The following ESPN variants were observed in gnomAD, a reference collection of about 807,000 sequenced individuals.
ESPN encodes autosomal recessive deafness type 36 protein.
ESPN carries 68 observed loss-of-function variants against 77.7 expected under a neutral mutation model. The ratio of observed to expected loss-of-function variants is 0.87; its 90% CI spans 0.72 to 1.07. The LOEUF is 1.07. ESPN is among the 50% of genes least tolerant of loss of function. The pLI, the probability that ESPN is intolerant of heterozygous loss-of-function variation, is 0.00. For missense variants in ESPN, 1,060 were observed against 1,239.0 expected (o/e 0.86, Z 2.17); for synonymous variants, 449 against 567.1 (o/e 0.79, Z 2.96).
intron 10 of ESPN, among the ~76,000 whole-genome samples, chr1:6,452,564 C>T (rs1431950758): frequency 6.6e-6 from 1 of 152,216 alleles, no homozygotes; most frequent in East Asian, 1.9e-4. Flanking sequence ...CTTTCTCAGA[C>T]TCTCCTTCAC....
intron 2 of ESPN, among the ~76,000 whole-genome samples, chr1:6,439,106 C>G (rs183316077): frequency 6.6e-6 from 1 of 151,996 alleles, no homozygotes; most frequent in African/African-American, 2.4e-5. Flanking sequence ...AGCAAGACTC[C>G]GTCTCAAAAA....
intron 5 of ESPN, 49 bp from the exon 6 acceptor site, chr1:6,444,432 C>A: frequency 6.3e-7 from 1 of 1,591,478 alleles, no homozygotes; most frequent in Non-Finnish European, 8.6e-7. Flanking sequence ...TGGAGAGCAA[C>A]GCATCTTGGG....
chr1:6,454,102 C>G (rs1342522334), intron 10 of ESPN, among the ~76,000 whole-genome samples: 1 of 152,208 alleles, frequency 6.6e-6, no homozygotes, highest in Non-Finnish European at 1.5e-5. Context: ...CAACGCCTTT[C>G]GCAAGTTCCT....
At chr1:6,443,497 C>T (rs1389358157) in intron 5 of ESPN, among the ~76,000 whole-genome samples, 3 of 152,266 alleles carry the variant, frequency 2.0e-5, no homozygotes, top group African/African-American at 4.8e-5. Context: ...GTGCTGCCCA[C>T]GCCACCTCCT....
At chr1:6,435,763 C>A (rs892027394) in intron 2 of ESPN, among the ~76,000 whole-genome samples, 1 of 152,224 alleles carries the variant, frequency 6.6e-6, no homozygotes, top group Non-Finnish European at 1.5e-5. Flanking sequence ...CACTCCAGGC[C>A]AGCCATAGAC....
intron 10 of ESPN, chr1:6,456,632 T>A (rs1644062630): frequency 4.8e-6 from 1 of 208,140 alleles, no homozygotes; most frequent in Non-Finnish European, 9.6e-6. Context: ...AGACCCGTTC[T>A]CCTCTGTAAC....
In ESPN at chr1:6,425,099, G is replaced by A; in HGVS notation, c.144G>A (p.Lys48=). 2 of 1,504,650 alleles carry A rather than the reference G, an allele frequency of 1.3e-6. No individual in the cohort carries two copies. Among genetic ancestry groups the A allele is most frequent in the East Asian group, 2.7e-5 (1 of 37,660 alleles). The allele number at this position is 1,504,650 out of a possible 1,614,324, so 93.2% of individuals were successfully genotyped here. A position where few individuals can be genotyped will look rare whatever the true frequency, so the allele number is the denominator to read the frequency against. ...LPVHHAARAG[K]LHCLRFLVEE... Reference sequence around the variant, plus strand: ...TGCACCACGCGGCCCGCGCTGGGAAGCTGCACTGTCTGCGCTTCCTGGTGG... The same window carrying A: ...TGCACCACGCGGCCCGCGCTGGGAAACTGCACTGTCTGCGCTTCCTGGTGG... The change falls in exon 1 of 13, where the codon AAG becomes AAA. Residue 48 remains lysine (K), a synonymous_variant. Transcript: ENST00000645284.
In ESPN at chr1:6,444,420, C is replaced by T. The variant is rs1643750599; in HGVS notation, c.991-61C>T. 3 of 1,556,722 alleles carry T rather than the reference C, an allele frequency of 1.9e-6. No homozygotes were observed. In the East Asian group the frequency reaches 6.8e-5, roughly 35 times the overall value. ...AAGGCATGACTGAGTAGGACCCTGG[C>T]CTGGAGAGCAACGCATCTTGGGGTA... On this transcript the variant is annotated intron_variant, in intron 5 of 12. Transcript: ENST00000645284.
At chr1:6,429,676 G>A (rs1470751827) in intron 2 of ESPN, among the ~76,000 whole-genome samples, 6 of 152,340 alleles carry the variant, frequency 3.9e-5, no homozygotes, top group Non-Finnish European at 8.8e-5. Flanking sequence ...TGCTGGTGGG[G>A]ACCGCCAGCC....
intron 10 of ESPN, chr1:6,456,386 G>T (rs1262718873): frequency 8.0e-6 from 3 of 374,724 alleles, no homozygotes; most frequent in Non-Finnish European, 1.4e-5. Context: ...TGGGGCGTTG[G>T]TCGGATAGGC....
chr1:6,433,031 AGAATTGCTG>A lies in ESPN; in HGVS notation c.488+4616_488+4624del, dbSNP rs561833753. 3.9e-5 allele frequency among the ~76,000 whole-genome samples: 6 copies of A among 152,276 alleles called. No individual in the cohort carries two copies. The East Asian group carries it at 1.2e-3, about 29-fold the overall frequency. ...CAGCTACTCGGGAGGCTGAGGCAGGAGAATTGCTGGAACCAGGGAAGCGGAGGTTGCAGT... is the reference window on the plus strand; with the variant it reads ...CAGCTACTCGGGAGGCTGAGGCAGGAGAACCAGGGAAGCGGAGGTTGCAGT... On this transcript the variant is annotated intron_variant, in intron 2 of 12. Coordinates refer to ENST00000645284, the MANE Select transcript of ESPN (RefSeq NM_031475.3).
At chr1:6,454,616 A>C in intron 10 of ESPN, 1 of 398,938 alleles carries the variant, frequency 2.5e-6, no homozygotes, top group Non-Finnish European at 4.4e-6. Context: ...GCCTCGAGCA[A>C]CTGGAGCTGG....
intron 2 of ESPN, among the ~76,000 whole-genome samples, chr1:6,430,880 T>C (rs1643218370): frequency 1.3e-5 from 2 of 151,628 alleles, no homozygotes; most frequent in Admixed American, 6.6e-5. Flanking sequence ...GGAGATTGAG[T>C]TGGGAGGATT....
At chr1:6,434,935 G>T (rs1051380038) in intron 2 of ESPN, among the ~76,000 whole-genome samples, 5 of 152,168 alleles carry the variant, frequency 3.3e-5, no homozygotes, top group African/African-American at 1.2e-4. Context: ...TGGCAGTGAT[G>T]CGGGGAGGTG....
chr1:6,443,706 C>T (rs1643727075), intron 5 of ESPN, among the ~76,000 whole-genome samples: 2 of 152,234 alleles, frequency 1.3e-5, no homozygotes, highest in Admixed American at 6.5e-5. Flanking sequence ...GCCGCTGAGC[C>T]GTTACCTGGT....
rs996170464 is a variant in ESPN at position 6,425,011 on chromosome 1, G to A, written c.56G>A (p.Arg19Lys). The A allele has an allele frequency of 5.4e-6, 8 of 1,468,372 alleles. No homozygotes were observed. The African/African-American group carries it at 1.0e-4, about 19-fold the overall frequency. The allele number at this position is 1,468,372 out of a possible 1,614,324, so 91.0% of individuals were successfully genotyped here. The part of the protein sequence containing the change: ...AARQGELDVL[R>K]SLHAAGLLGP... ...CGGCAGGGCGAGCTGGACGTGCTGA[G>A]GTCGCTGCACGCCGCAGGCCTCCTG... Residue 19 changes from arginine to lysine, a missense_variant, in exon 1 of 13, where the codon AGG becomes AAG. Transcript: ENST00000645284.
intron 2 of ESPN, 94 bp from the exon 3 acceptor site, chr1:6,440,160 G>A: frequency 2.2e-6 from 3 of 1,372,858 alleles, no homozygotes; most frequent in South Asian, 2.5e-5. Flanking sequence ...TCTCCCTGCC[G>A]TCCAGGGCTC....
intron 5 of ESPN, among the ~76,000 whole-genome samples, chr1:6,442,292 C>T (rs77265628): frequency 0.022 from 3,317 of 152,212 alleles, 124 homozygotes; most frequent in African/African-American, 0.076. Flanking sequence ...AATAGTTGGC[C>T]GGGTGCAGTG....
rs182700746 is a variant in ESPN at position 6,424,818 on chromosome 1, C to T, written c.-138C>T. ...AGCGCCAGGCAGCGCGGAGCGGAGG[C>T]CAGGCCCACAGCCGCTCCGCCTCCC... On this transcript the variant is annotated 5_prime_UTR_variant, in exon 1 of 13. Transcript: ENST00000645284. 42,673 of 883,224 alleles carry T rather than the reference C, an allele frequency of 0.048. 1,392 individuals carry two copies. The highest frequency in any genetic ancestry group is 0.16 in the East Asian group (4,346 of 27,060). 54.7% of individuals were successfully genotyped at this position (883,224 alleles called of 1,614,324 possible). A position where few individuals can be genotyped will look rare whatever the true frequency, so the allele number is the denominator to read the frequency against.
Sources: gnomAD v4.1 joint callset for allele counts (sites outside exome capture counted in the v4.1 genomes callset) on GRCh38, gnomAD v4.1.1 for gene constraint, MANE v1.5 for transcripts, NCBI Gene and HGNC (gene_info 2026-07-23, HGNC 2026-07-21) for gene names.